Variants in COL14A1 observed in about 807,000 individuals in gnomAD.
The protein encoded by COL14A1 is collagen alpha-1(XIV) chain.
A neutral mutation model predicts 230.3 loss-of-function variants in COL14A1; 136 were observed. The ratio of observed to expected loss-of-function variants is 0.59; its 90% CI spans 0.51 to 0.68. The LOEUF (loss-of-function observed/expected upper bound fraction) is 0.68. COL14A1 is among the 30% of genes least tolerant of loss of function. The pLI, the probability that COL14A1 is intolerant of heterozygous loss-of-function variation, is 0.00. For missense variants in COL14A1, 1,976 were observed against 2,215.8 expected (o/e 0.89, Z 2.17); for synonymous variants, 792 against 784.1 (o/e 1.01, Z -0.17).
chr8:120,138,039 TA>T (rs1814769187), intron 1 of COL14A1, among the ~76,000 whole-genome samples: 2 of 152,132 alleles, frequency 1.3e-5, no homozygotes, highest in South Asian at 4.1e-4. Flanking sequence ...CTGTTACACT[TA>T]AAAAATGTAC....
intron 38 of COL14A1, 139 bp from the exon 39 acceptor site, chr8:120,315,393 AG>A (rs1821185775): frequency 3.3e-6 from 1 of 299,442 alleles, no homozygotes; most frequent in Non-Finnish European, 5.9e-6. Flanking sequence ...AAAAAAAAAA[AG>A]TGTATATATA....
At chr8:120,203,626 A>T in intron 8 of COL14A1, 83 bp from the exon 9 acceptor site, 1 of 1,301,206 alleles carries the variant, frequency 7.7e-7, no homozygotes, top group Non-Finnish European at 1.1e-6. Context: ...AGATTGACTG[A>T]CTGGGTCAGA....
In COL14A1 at chr8:120,371,138, C is replaced by T; in HGVS notation, c.5312-14C>T. The stretch of plus-strand genomic sequence containing the variant: ...TGGGTGCAGCAAGTCCCCACCCCCA[C>T]TTTTCCTCTTTAGCTCCCCATCCAG... On this transcript the variant is annotated splice_polypyrimidine_tract_variant and intron_variant, in intron 47 of 47. Coordinates refer to ENST00000297848, the MANE Select transcript of COL14A1 (RefSeq NM_021110.4). 1 of 1,596,208 alleles carries T rather than the reference C, an allele frequency of 6.3e-7. No individual in the cohort carries two copies. The highest frequency in any genetic ancestry group is 8.5e-7 in the Non-Finnish European group (1 of 1,173,924).
intron 40 of COL14A1, among the ~76,000 whole-genome samples, chr8:120,320,596 CTAAG>C (rs1327949592): frequency 6.6e-6 from 1 of 152,132 alleles, no homozygotes; most frequent in African/African-American, 2.4e-5. Flanking sequence ...AAATATTTAT[CTAAG>C]TAATATTTTG....
rs1162191271 is a variant in COL14A1 at position 120,314,004 on chromosome 8, G to A, written c.4528G>A (p.Gly1510Ser). 6.2e-7 allele frequency: 1 copy of A among 1,611,780 alleles called. No homozygotes were observed. The change falls in exon 38 of 48, where the codon GGT (glycine) becomes AGT (serine). Residue 1510 changes from glycine (G) to serine (S), a missense_variant. Gly to Ser is a moderately conservative substitution (Grantham distance 56, BLOSUM62 0). Transcript: ENST00000297848. ...QGPPGPQGPS[G>S]LSIQGMPGMP... is the part of the protein sequence containing the mutation. The stretch of plus-strand genomic sequence containing the variant: ...TCCACCTGGACCTCAAGGACCAAGT[G>A]GTCTGTCCATTCAAGGAATGCCCGT...
chr8:120,148,709 A>T (rs1815176792), intron 2 of COL14A1, among the ~76,000 whole-genome samples: 1 of 152,226 alleles, frequency 6.6e-6, no homozygotes. Context: ...TAGTCTGAAC[A>T]TTATAAGGGC....
At chr8:120,158,313 G>T in intron 3 of COL14A1, 67 bp downstream of exon 3, 1 of 880,430 alleles carries the variant, frequency 1.1e-6, no homozygotes, top group Non-Finnish European at 1.9e-6. Context: ...CTAAAAACAT[G>T]TAGTGCCAAG....
chr8:120,208,185 G>T (rs370751254), intron 10 of COL14A1, 47 bp from the exon 11 acceptor site: 25 of 1,515,492 alleles, frequency 1.6e-5, no homozygotes, highest in Non-Finnish European at 2.0e-5. Context: ...TCAATTCTGC[G>T]TGTAAGATAT....
rs73321661 is a variant in COL14A1, at chr8:120,176,080, G to A, written c.436+7833G>A. ...TTTATATATAGCACTTACTACATGC[G>A]TAAAATAGTTTAAATACATATATAA... On this transcript the variant is annotated intron_variant, in intron 5 of 47. Transcript: ENST00000297848. Among the ~76,000 whole-genome samples the A allele has an allele frequency of 8.3e-3, 1,261 of 152,170 alleles. 23 individuals are homozygous for A. The highest frequency in any genetic ancestry group is 0.029 in the African/African-American group (1,212 of 41,502).
intron 45 of COL14A1, among the ~76,000 whole-genome samples, chr8:120,350,860 T>C (rs1214761531): frequency 1.3e-5 from 2 of 151,728 alleles, no homozygotes; most frequent in African/African-American, 4.8e-5. Flanking sequence ...TACCCAGGAA[T>C]TGAACTCAGC....
intron 5 of COL14A1, among the ~76,000 whole-genome samples, chr8:120,185,435 G>T (rs1230355223): frequency 1.3e-5 from 2 of 152,050 alleles, no homozygotes; most frequent in Non-Finnish European, 2.9e-5. Flanking sequence ...TTGCAGGATC[G>T]CTTGAGCCCA....
intron 1 of COL14A1, among the ~76,000 whole-genome samples, chr8:120,125,648 G>A (rs946383233): frequency 5.9e-5 from 9 of 152,078 alleles, no homozygotes; most frequent in African/African-American, 2.2e-4. Context: ...AGCGTGTGGC[G>A]GGAAGAAGCT....
At chr8:120,263,996 G>A (rs2129776604) in intron 24 of COL14A1, among the ~76,000 whole-genome samples, 1 of 152,122 alleles carries the variant, frequency 6.6e-6, no homozygotes, top group East Asian at 1.9e-4. Flanking sequence ...TAAAATTTAA[G>A]TACCATTTTA....
intron 1 of COL14A1, among the ~76,000 whole-genome samples, chr8:120,131,483 G>A (rs552866308): frequency 2.0e-5 from 3 of 151,414 alleles, no homozygotes; most frequent in African/African-American, 7.3e-5. Context: ...ATTTTTTCAT[G>A]TTTGTTGGCT....
chr8:120,196,556 G>C (rs1051145209), intron 5 of COL14A1, among the ~76,000 whole-genome samples: 2 of 152,156 alleles, frequency 1.3e-5, no homozygotes, highest in East Asian at 3.9e-4. Flanking sequence ...TTGTCAGGAT[G>C]GTGTGAACCT....
chr8:120,231,956 T>C (rs2130818994), intron 19 of COL14A1: 1 of 173,636 alleles, frequency 5.8e-6, no homozygotes, highest in African/African-American at 2.4e-5. Flanking sequence ...TGTATAGACA[T>C]GTATAAAAGT....
chr8:120,277,585 GAAC>G (rs1819894015), intron 26 of COL14A1: 1 of 152,038 alleles, frequency 6.6e-6, no homozygotes, highest in African/African-American at 2.4e-5. Context: ...CCATAAAAAA[GAAC>G]AAAATCATGT....
chr8:120,299,439 C>T lies in COL14A1; in HGVS notation c.4315-1293C>T, dbSNP rs547443766. Among the ~76,000 whole-genome samples, 6 of 152,168 alleles carry T rather than the reference C, an allele frequency of 3.9e-5. No homozygotes were observed. In the South Asian group the frequency reaches 1.0e-3, roughly 26 times the overall value. On this transcript the variant is annotated intron_variant, in intron 35 of 47. Transcript: ENST00000297848. ...ATGGGAAACTGGCAGGAGAAACACT[C>T]GGAATCCTCTGTTGTATCAAGCAAA...
intron 19 of COL14A1, among the ~76,000 whole-genome samples, chr8:120,236,074 A>G (rs1274032285): frequency 6.6e-6 from 1 of 152,240 alleles, no homozygotes; most frequent in Non-Finnish European, 1.5e-5. Context: ...TGTGGTGCTA[A>G]GAAGAATGTA....
Sources: gnomAD v4.1 joint callset for allele counts (sites outside exome capture counted in the v4.1 genomes callset) on GRCh38, gnomAD v4.1.1 for gene constraint, MANE v1.5 for transcripts, NCBI Gene and HGNC (gene_info 2026-07-23, HGNC 2026-07-21) for gene names.